Variants in MEGF6 observed in about 807,000 individuals in gnomAD.
The protein encoded by MEGF6 is multiple epidermal growth factor-like domains protein 6.
A neutral mutation model predicts 207.1 loss-of-function variants in MEGF6; 184 were observed. That is an observed-to-expected ratio of 0.89 (90% CI 0.79 to 1.00). The LOEUF (loss-of-function observed/expected upper bound fraction) is 1.00, where lower values mean the gene tolerates loss of function less well. Among genes scored for constraint, MEGF6 ranks in the 50% least tolerant of loss-of-function variants. MEGF6 has a pLI of 0.00. For synonymous variants in MEGF6, 1,038 were observed against 910.0 expected, an observed-to-expected ratio of 1.14 and a Z score of -2.53; for missense variants, 2,282 against 2,202.9, an observed-to-expected ratio of 1.04 and a Z score of -0.72.
At chr1:3,611,015 C>G in intron 1 of MEGF6, 123 bp downstream of exon 1, 1 of 1,255,976 alleles carries the variant, frequency 8.0e-7, no homozygotes, top group Non-Finnish European at 1.0e-6. Flanking sequence ...CCCCAGTTAA[C>G]GCAAACAGCC....
chr1:3,578,053 C>T (rs1289936990), intron 4 of MEGF6, among the ~76,000 whole-genome samples: 1 of 152,166 alleles, frequency 6.6e-6, no homozygotes, highest in Non-Finnish European at 1.5e-5. Flanking sequence ...AGGGGACTGA[C>T]GGTGGGCAGA....
chr1:3,562,612 C>T (rs1643234582), intron 4 of MEGF6, among the ~76,000 whole-genome samples: 1 of 152,256 alleles, frequency 6.6e-6, no homozygotes, highest in African/African-American at 2.4e-5. Context: ...CAGCACTTTT[C>T]TATGATTTCC....
intron 4 of MEGF6, among the ~76,000 whole-genome samples, chr1:3,562,903 G>C (rs1643242117): frequency 6.6e-6 from 1 of 152,156 alleles, no homozygotes; most frequent in South Asian, 2.1e-4. Flanking sequence ...TGCTGGGCCA[G>C]CCCCTCTGTA....
At chr1:3,535,800 C>G (rs552897117) in intron 4 of MEGF6, among the ~76,000 whole-genome samples, 1 of 152,310 alleles carries the variant, frequency 6.6e-6, no homozygotes, top group East Asian at 1.9e-4. Flanking sequence ...CCCAGGGGAA[C>G]CAGGTCTGAC....
chr1:3,494,161 G>A (rs769925936), intron 32 of MEGF6, 37 bp from the exon 33 acceptor site: 70 of 1,526,560 alleles, frequency 4.6e-5, no homozygotes, highest in African/African-American at 2.9e-4. Flanking sequence ...AAGGGCACAC[G>A]GTGGCAGAAA....
At chr1:3,570,186 G>A (rs113613690) in intron 4 of MEGF6, among the ~76,000 whole-genome samples, 2,336 of 152,196 alleles carry the variant, frequency 0.015, 59 homozygotes, top group African/African-American at 0.05. Flanking sequence ...CGACTGTCAC[G>A]CAGGGACTGA....
At chr1:3,619,798 G>A in the MEGF6 span, among the ~76,000 whole-genome samples, 1 of 152,184 alleles carries the variant, frequency 6.6e-6, no homozygotes, top group Non-Finnish European at 1.5e-5. Flanking sequence ...GCAGGATAGT[G>A]GGCACTGATA....
the MEGF6 span, among the ~76,000 whole-genome samples, chr1:3,618,595 A>C: frequency 5.3e-5 from 8 of 152,106 alleles, no homozygotes; most frequent in Non-Finnish European, 2.9e-5. This position sits in a 1 kb window ranked among gnomAD's most constrained non-coding sequence, Gnocchi z 4.7. Flanking sequence ...CCCATCCGAA[A>C]GGCCCCTTCC....
Position 3,505,465 on chromosome 1 carries a change from G to A in MEGF6, c.2010C>T (p.Ser670=). ...HTQSCDKRDG[S]CSCKAGFRGE... ...CCCGGAAGCCAGCCTTGCAGGAGCA[G>A]CTGCCATCCCTCTTGTCACAGGACT... The change falls in exon 16 of 37, where the codon AGC becomes AGT. Residue 670 remains serine, a synonymous_variant. Coordinates refer to ENST00000356575, the MANE Select transcript of MEGF6 (RefSeq NM_001409.4). 6.2e-7 allele frequency: 1 copy of A among 1,610,634 alleles called. No homozygotes were observed. The highest frequency in any genetic ancestry group is 8.5e-7 in the Non-Finnish European group (1 of 1,179,380).
chr1:3,595,427 T>C lies in MEGF6; in HGVS notation c.287A>G (p.Tyr96Cys). 6.2e-7 allele frequency: 1 copy of C among 1,612,626 alleles called. No homozygotes were observed. The change falls in exon 3 of 37, where the codon TAC becomes TGC. Residue 96 changes from tyrosine to cysteine, a missense_variant. Tyr to Cys is a radical substitution (Grantham distance 194). Transcript: ENST00000356575. ...HERRTVYYMGYRQVYTTEART... is the reference protein window; with the variant it reads ...HERRTVYYMGCRQVYTTEART... ...GGCCTCCGTGGTATACACCTGCCTGTAGCCCATGTAGTAGACGGTTCTAGA... is the reference window on the plus strand; with the variant it reads ...GGCCTCCGTGGTATACACCTGCCTGCAGCCCATGTAGTAGACGGTTCTAGA...
rs989228475 is a variant in MEGF6 at position 3,489,737 on chromosome 1, C to A, written c.*791G>T. ...TCAGCGGTAATGAATGCAGCCCCAGCGTTCTCCTCAATAGCACTGGGAACT... is the reference window on the plus strand; with the variant it reads ...TCAGCGGTAATGAATGCAGCCCCAGAGTTCTCCTCAATAGCACTGGGAACT... On this transcript the variant is annotated 3_prime_UTR_variant, in exon 37 of 37. Coordinates refer to ENST00000356575, the MANE Select transcript of MEGF6 (RefSeq NM_001409.4). 1.3e-5 allele frequency among the ~76,000 whole-genome samples: 2 copies of A among 152,202 alleles called. No individual in the cohort carries two copies. Among genetic ancestry groups the A allele is most frequent in the African/African-American group, 4.8e-5 (2 of 41,458 alleles).
At position 3,490,911 on chromosome 1, in the gene MEGF6, C is replaced by T. The variant is rs1640329719; in HGVS notation, c.4564+1G>A. Reference sequence around the variant, plus strand: ...CCACGGGCATTCCCCACACCCCTTACCTGAGCCCTGGGCTAAGGACGGGTT... The same window carrying T: ...CCACGGGCATTCCCCACACCCCTTATCTGAGCCCTGGGCTAAGGACGGGTT... On this transcript the variant is annotated splice_donor_variant, in intron 36 of 36. Transcript: ENST00000356575. LOFTEE classifies it high-confidence loss of function. 1 of 1,591,418 alleles carries T rather than the reference C, an allele frequency of 6.3e-7. No individual in the cohort carries two copies. The highest frequency in any genetic ancestry group is 8.6e-7 in the Non-Finnish European group (1 of 1,168,834).
At chr1:3,492,337 G>A (rs1158449207) in intron 35 of MEGF6, among the ~76,000 whole-genome samples, 3 of 152,134 alleles carry the variant, frequency 2.0e-5, no homozygotes, top group East Asian at 1.9e-4. Flanking sequence ...TCAGGCCCCC[G>A]GTGCAGTTTG....
chr1:3,514,092 C>T (rs982570070), intron 7 of MEGF6, among the ~76,000 whole-genome samples: 6 of 151,864 alleles, frequency 4.0e-5, no homozygotes, highest in Admixed American at 1.3e-4. Context: ...TCTAAAAATA[C>T]GAAAAATTAG....
chr1:3,545,713 G>A (rs564102258), intron 4 of MEGF6, among the ~76,000 whole-genome samples: 63 of 152,260 alleles, frequency 4.1e-4, no homozygotes, highest in African/African-American at 1.4e-3. Context: ...GCGGGGGTCC[G>A]GGAGCTGGCG....
rs185996846 is a variant in MEGF6 at position 3,574,973 on chromosome 1, C to T, written c.481+4852G>A. ...CAAAGGTTCTTGAACCAAGAAAGTACCTAGAGGTGACCCAGGCCTCATTTC... is the reference window on the plus strand; with the variant it reads ...CAAAGGTTCTTGAACCAAGAAAGTATCTAGAGGTGACCCAGGCCTCATTTC... On this transcript the variant is annotated intron_variant, in intron 4 of 36. Coordinates refer to ENST00000356575, the MANE Select transcript of MEGF6 (RefSeq NM_001409.4). 5.2e-3 allele frequency among the ~76,000 whole-genome samples: 795 copies of T among 152,312 alleles called. 14 individuals carry two copies. The highest frequency in any genetic ancestry group is 0.018 in the African/African-American group (736 of 41,578).
chr1:3,551,705 C>A (rs1418011726), intron 4 of MEGF6, among the ~76,000 whole-genome samples: 6 of 152,146 alleles, frequency 3.9e-5, no homozygotes, highest in Non-Finnish European at 8.8e-5. Context: ...CCCAGACACA[C>A]CACACTGCAG....
the MEGF6 span, among the ~76,000 whole-genome samples, chr1:3,622,945 G>A: frequency 6.6e-6 from 1 of 152,100 alleles, no homozygotes; most frequent in Non-Finnish European, 1.5e-5. Flanking sequence ...AGACATCCAA[G>A]TCACTCCCCA....
chr1:3,599,453 C>T (rs912218828), intron 2 of MEGF6, among the ~76,000 whole-genome samples: 1 of 152,238 alleles, frequency 6.6e-6, no homozygotes, highest in Non-Finnish European at 1.5e-5. Context: ...GGAAAAGAAT[C>T]ACCACAGAAA....
Sources: gnomAD v4.1 joint callset for allele counts (sites outside exome capture counted in the v4.1 genomes callset) on GRCh38, gnomAD v4.1.1 for gene constraint, Gnocchi (gnomAD v3.1) non-coding constraint, MANE v1.5 for transcripts, NCBI Gene and HGNC (gene_info 2026-07-23, HGNC 2026-07-21) for gene names.